Variants in TLCD5 observed in about 807,000 individuals in gnomAD.
The protein encoded by TLCD5 is TLC domain containing 5.
Under a neutral mutation model 20.5 loss-of-function variants are expected in TLCD5, and 15 were observed. That is an observed-to-expected ratio of 0.73 (90% confidence interval 0.49 to 1.13). The LOEUF (loss-of-function observed/expected upper bound fraction) is 1.13, where lower values mean the gene tolerates loss of function less well. Ranked by LOEUF, TLCD5 falls within the 50% of genes most tolerant of loss-of-function variation. The probability of loss-of-function intolerance (pLI) is 0.00; values close to 1 mark genes in which losing one functional copy is unlikely to be tolerated. For synonymous variants in TLCD5, 107 were observed against 114.7 expected (o/e 0.93, Z 0.43); for missense variants, 289 against 305.6 (o/e 0.95, Z 0.41).
Position 120,327,619 on chromosome 11 carries a change from C to T in TLCD5, c.178C>T (p.Pro60Ser), listed in dbSNP as rs764923368. 3.7e-6 allele frequency: 6 copies of T among 1,613,632 alleles called. No homozygotes were observed. ...CGCTTATATTGGCTTCATTGATGGC[C>T]CATGGCCTTTTACCCACCCAGGTAG... Reference protein sequence around the residue: ...LSAYIGFIDGPWPFTHPGSPN... With the variant: ...LSAYIGFIDGSWPFTHPGSPN... The change falls in exon 2 of 3, where the codon CCA (proline) becomes TCA (serine). Residue 60 changes from proline to serine, a missense_variant. Pro to Ser is a moderately conservative substitution (Grantham distance 74). Transcript: ENST00000375095.
chr11:120,327,471 G>A lies in TLCD5; in HGVS notation c.30G>A (p.Leu10=). The A allele has an allele frequency of 6.2e-7, 1 of 1,614,198 alleles. No homozygotes were observed. Among genetic ancestry groups the A allele is most frequent in the Non-Finnish European group, 8.5e-7 (1 of 1,180,034 alleles). The change falls in exon 2 of 3, where the codon CTG becomes CTA. Residue 10 remains leucine, a synonymous_variant. Transcript: ENST00000375095. MALALCLQV[L]CSLCGWLSLY... ...CATTAGCTCTGTGTCTGCAGGTGCTGTGCAGCCTGTGTGGCTGGCTCTCGC... is the reference window on the plus strand; with the variant it reads ...CATTAGCTCTGTGTCTGCAGGTGCTATGCAGCCTGTGTGGCTGGCTCTCGC...
rs776952156 is a variant in TLCD5, at chr11:120,330,341, G to A, written c.564G>A (p.Thr188=). The A allele has an allele frequency of 6.8e-6, 11 of 1,608,982 alleles. No individual in the cohort carries two copies. Among genetic ancestry groups the A allele is most frequent in the Admixed American group, 1.7e-5 (1 of 59,172 alleles). Residue 188 remains threonine (T), a synonymous_variant, in exon 3 of 3, where the codon ACG becomes ACA. Transcript: ENST00000375095. The stretch of plus-strand genomic sequence containing the variant: ...TTTTCTGTGAAATGGTCTCCCCCAC[G>A]CCTAAGTGGTTTGTGAAGGCTGGGG... ...CLLFCEMVSP[T]PKWFVKAGGV...
chr11:120,330,598 T>C lies in TLCD5; in HGVS notation c.*83T>C. ...AATATGACTGTTACATAATTACACT[T>C]ATAACAAACTTAGGTTTCAATAAAG... On this transcript the variant is annotated 3_prime_UTR_variant, in exon 3 of 3. Coordinates refer to ENST00000375095, the MANE Select transcript of TLCD5 (RefSeq NM_001198671.2). 1 of 1,444,414 alleles carries C rather than the reference T, an allele frequency of 6.9e-7. No homozygotes were observed. Among genetic ancestry groups the C allele is most frequent in the Non-Finnish European group, 9.2e-7 (1 of 1,083,720 alleles). The allele number at this position is 1,444,414 out of a possible 1,614,324, so 89.5% of individuals were successfully genotyped here. A position where few individuals can be genotyped will look rare whatever the true frequency, so the allele number is the denominator to read the frequency against.
At position 120,330,405 on chromosome 11, in the gene TLCD5, A is replaced by T. The variant is rs371013368; in HGVS notation, c.628A>T (p.Ser210Cys). The T allele has an allele frequency of 6.2e-7, 1 of 1,614,040 alleles. No individual in the cohort carries two copies. ...MYAVSWCFMF[S>C]IWRFAWRKSI... is the part of the protein sequence containing the mutation. ...TGCTGTGTCTTGGTGTTTCATGTTT[A>T]GCATCTGGCGCTTTGCATGGAGGAA... is the stretch of plus-strand genomic sequence containing the variant. The change falls in exon 3 of 3, where the codon AGC becomes TGC. Residue 210 changes from serine to cysteine, a missense_variant. By Grantham distance (112) the Ser-to-Cys change is moderately radical. Coordinates refer to ENST00000375095, the MANE Select transcript of TLCD5 (RefSeq NM_001198671.2).
At chr11:120,325,675 GCTC>G (rs1485158742) in intron 1 of TLCD5, among the ~76,000 whole-genome samples, 2 of 152,186 alleles carry the variant, frequency 1.3e-5, no homozygotes, top group Non-Finnish European at 2.9e-5. Flanking sequence ...CTGCTCCAAG[GCTC>G]CTCCTCGCCA....
chr11:120,328,677 TAGTGTGTGTGTGTGTGTGTGTG>T (rs1942059188), intron 2 of TLCD5, among the ~76,000 whole-genome samples: 1 of 91,710 alleles, frequency 1.1e-5, no homozygotes, highest in African/African-American at 5.0e-5. Context: ...ATAACAGTCA[TAGTGTGTGTGTGTGTGTGTGTG>T]TGTGTGTGTA....
chr11:120,325,783 A>G (rs550069639), intron 1 of TLCD5, among the ~76,000 whole-genome samples: 9 of 152,358 alleles, frequency 5.9e-5, no homozygotes, highest in African/African-American at 1.7e-4. Flanking sequence ...GGCAAAAACC[A>G]AGAGCAAAAA....
At position 120,330,384 on chromosome 11, in the gene TLCD5, G is replaced by A. The variant is rs777790166; in HGVS notation, c.607G>A (p.Val203Met). ...GGCTGGGGGAGTAGCGATGTATGCT[G>A]TGTCTTGGTGTTTCATGTTTAGCAT... ...VKAGGVAMYA[V>M]SWCFMFSIWR... The change falls in exon 3 of 3, where the codon GTG (valine) becomes ATG (methionine). Residue 203 changes from valine (V) to methionine (M), a missense_variant. Val to Met is a conservative substitution (Grantham distance 21). Coordinates refer to ENST00000375095, the MANE Select transcript of TLCD5 (RefSeq NM_001198671.2). The A allele has an allele frequency of 6.2e-7, 1 of 1,614,152 alleles. No individual in the cohort carries two copies. The highest frequency in any genetic ancestry group is 8.5e-7 in the Non-Finnish European group (1 of 1,180,016).
At position 120,327,697 on chromosome 11, in the gene TLCD5, G is replaced by A; in HGVS notation, c.199+57G>A. 3 of 1,532,492 alleles carry A rather than the reference G, an allele frequency of 2.0e-6. No individual in the cohort carries two copies. The South Asian group carries it at 3.7e-5, about 19-fold the overall frequency. The allele number at this position is 1,532,492 out of a possible 1,614,324, so 94.9% of individuals were successfully genotyped here. A position where few individuals can be genotyped will look rare whatever the true frequency, so the allele number is the denominator to read the frequency against. On this transcript the variant is annotated intron_variant, in intron 2 of 2. Transcript: ENST00000375095. The stretch of plus-strand genomic sequence containing the variant: ...GATTTGGGGGTAGTCTTAGAAGTAT[G>A]GGACTTTTAAACAGAATTTGTACAA...
rs1942033231 is a variant in TLCD5 at position 120,327,650 on chromosome 11, G to A, written c.199+10G>A. ...CCTTTTACCCACCCAGGTAGGTAGG[G>A]GATTTTCCCTTAGGGATTTATGATT... On this transcript the variant is annotated intron_variant, in intron 2 of 2. Coordinates refer to ENST00000375095, the MANE Select transcript of TLCD5 (RefSeq NM_001198671.2). 6.2e-7 allele frequency: 1 copy of A among 1,608,154 alleles called. No individual in the cohort carries two copies. Among genetic ancestry groups the A allele is most frequent in the Non-Finnish European group, 8.5e-7 (1 of 1,177,326 alleles).
In TLCD5 at chr11:120,330,725, T is replaced by A. The variant is rs1170140627; in HGVS notation, c.*210T>A. 3 of 532,862 alleles carry A rather than the reference T, an allele frequency of 5.6e-6. No individual in the cohort carries two copies. The Admixed American group carries it at 1.0e-4, about 18-fold the overall frequency. 33.0% of individuals were successfully genotyped at this position (532,862 alleles called of 1,614,324 possible). A position where few individuals can be genotyped will look rare whatever the true frequency, so the allele number is the denominator to read the frequency against. ...GCACAGTTGTAGAAAGTGAGAATAC[T>A]CCATGGTAGTTGGGAATAAGTGAGA... On this transcript the variant is annotated 3_prime_UTR_variant, in exon 3 of 3. Coordinates refer to ENST00000375095, the MANE Select transcript of TLCD5 (RefSeq NM_001198671.2).
intron 2 of TLCD5, among the ~76,000 whole-genome samples, chr11:120,328,499 G>A (rs1003822282): frequency 2.0e-5 from 3 of 152,108 alleles, no homozygotes; most frequent in Admixed American, 6.5e-5. Flanking sequence ...GCTAGAAGTC[G>A]GAGTTCAAGT....
rs1942043314 is a variant in TLCD5 at position 120,328,147 on chromosome 11, C to G, written c.199+507C>G. 3.3e-5 allele frequency among the ~76,000 whole-genome samples: 5 copies of G among 151,588 alleles called. No individual in the cohort carries two copies. In the South Asian group the frequency reaches 1.0e-3, roughly 32 times the overall value. On this transcript the variant is annotated intron_variant, in intron 2 of 2. Coordinates refer to ENST00000375095, the MANE Select transcript of TLCD5 (RefSeq NM_001198671.2). ...TGTTGCCCAGGCTGGGGTGCAGTGG[C>G]TCAATCTCAGCAAGCTCCGCCTCCC... is the stretch of plus-strand genomic sequence containing the variant.
chr11:120,328,942 GTGTT>G (rs1287474007), intron 2 of TLCD5, among the ~76,000 whole-genome samples: 57 of 73,980 alleles, frequency 7.7e-4, no homozygotes, highest in Admixed American at 1.8e-3. Flanking sequence ...GTGTGTGTGT[GTGTT>G]TGTGTATGTT....
rs1942110811 is a variant in TLCD5, at chr11:120,329,967, T to G, written c.200-10T>G. 6.2e-7 allele frequency: 1 copy of G among 1,602,942 alleles called. No individual in the cohort carries two copies. The highest frequency in any genetic ancestry group is 8.5e-7 in the Non-Finnish European group (1 of 1,172,868). On this transcript the variant is annotated splice_polypyrimidine_tract_variant and intron_variant, in intron 2 of 2. Coordinates refer to ENST00000375095, the MANE Select transcript of TLCD5 (RefSeq NM_001198671.2). ...GTCACTCAATTTGCTTCTGTCTTGG[T>G]TTGTTTCAGGCTCACCCAATACACC...
At chr11:120,325,725 C>A (rs1941983511) in intron 1 of TLCD5, among the ~76,000 whole-genome samples, 1 of 152,208 alleles carries the variant, frequency 6.6e-6, no homozygotes, top group African/African-American at 2.4e-5. Context: ...GGAGAGGAGC[C>A]TTGGACCTCT....
At chr11:120,325,952 C>A (rs918709085) in intron 1 of TLCD5, among the ~76,000 whole-genome samples, 4 of 152,206 alleles carry the variant, frequency 2.6e-5, no homozygotes, top group Non-Finnish European at 5.9e-5. Context: ...TACTAATAGG[C>A]ATATCCAAAT....
At chr11:120,327,316 AATAAG>A in intron 1 of TLCD5, 120 bp from the exon 2 acceptor site, 1 of 1,518,724 alleles carries the variant, frequency 6.6e-7, no homozygotes, top group Non-Finnish European at 8.9e-7. Context: ...AGATAAGGAA[AATAAG>A]ATAAGGCAAT....
At position 120,330,742 on chromosome 11, in the gene TLCD5, T is replaced by A; in HGVS notation, c.*227T>A. On this transcript the variant is annotated 3_prime_UTR_variant, in exon 3 of 3. Transcript: ENST00000375095. ...GAGAATACTCCATGGTAGTTGGGAA[T>A]AAGTGAGAACTGTGAAGTGAGTACA... is the stretch of plus-strand genomic sequence containing the variant. 1 of 492,470 alleles carries A rather than the reference T, an allele frequency of 2.0e-6. No individual in the cohort carries two copies. Among genetic ancestry groups the A allele is most frequent in the Middle Eastern group, 5.3e-4 (1 of 1,872 alleles). The allele number at this position is 492,470 out of a possible 1,614,324, so 30.5% of individuals were successfully genotyped here. A position where few individuals can be genotyped will look rare whatever the true frequency, so the allele number is the denominator to read the frequency against.
Sources: gnomAD v4.1 joint callset for allele counts (sites outside exome capture counted in the v4.1 genomes callset) on GRCh38, gnomAD v4.1.1 for gene constraint, MANE v1.5 for transcripts, NCBI Gene and HGNC (gene_info 2026-07-23, HGNC 2026-07-21) for gene names.